ITIH5: variants seen among roughly 807,000 people sequenced by gnomAD.
ITIH5 encodes inter-alpha-trypsin inhibitor heavy chain 5.
ITIH5 carries 65 observed loss-of-function variants against 77.5 expected under a neutral mutation model. The ratio of observed to expected loss-of-function variants is 0.84; its 90% CI spans 0.69 to 1.03. The LOEUF (loss-of-function observed/expected upper bound fraction) is 1.03. Ranked by LOEUF, ITIH5 falls within the 50% of genes least tolerant of loss-of-function variation. The pLI, the probability that ITIH5 is intolerant of heterozygous loss-of-function variation, is 0.00. For missense variants in ITIH5, 1,208 were observed against 1,213.1 expected, an observed-to-expected ratio of 1.00 and a Z score of 0.06; for synonymous variants, 525 against 494.3, an observed-to-expected ratio of 1.06 and a Z score of -0.82.
chr10:7,597,062 A>AAAAAAAAAAAAAAAAG (rs1306137492), intron 7 of ITIH5, among the ~76,000 whole-genome samples: 4 of 150,534 alleles, frequency 2.7e-5, no homozygotes, highest in African/African-American at 7.3e-5. Context: ...AAAAAAAAAA[A>AAAAAAAAAAAAAAAAG]AATTCCACCA....
At chr10:7,645,176 T>C (rs1833992255) in intron 2 of ITIH5, among the ~76,000 whole-genome samples, 3 of 151,876 alleles carry the variant, frequency 2.0e-5, no homozygotes, top group Admixed American at 6.6e-5. Context: ...ACGAAAACGT[T>C]AGGGGGATGT....
intron 7 of ITIH5, among the ~76,000 whole-genome samples, chr10:7,609,776 C>T (rs977427267): frequency 6.6e-6 from 1 of 152,126 alleles, no homozygotes; most frequent in African/African-American, 2.4e-5. Flanking sequence ...ACCATTAAAG[C>T]ATGGAAAACA....
intron 5 of ITIH5, among the ~76,000 whole-genome samples, chr10:7,631,508 AAG>A (rs1833712007): frequency 1.0e-5 from 1 of 98,272 alleles, no homozygotes; most frequent in African/African-American, 6.4e-5. Flanking sequence ...TCTCCAAAAG[AAG>A]ATGAGATACC....
Position 7,569,748 on chromosome 10 carries a change from AG to A in ITIH5, c.2068del (p.Leu690Ter). On this transcript the variant is annotated frameshift_variant, in exon 12 of 14. Coordinates refer to ENST00000397146, the MANE Select transcript of ITIH5 (RefSeq NM_030569.7). LOFTEE classifies it high-confidence loss of function. ...GDPHFVVDFPLSRLTVCFNID... is the reference protein window; with the variant it reads ...GDPHFVVDFPXSRLTVCFNID... Reference sequence around the variant, plus strand: ...GTTGAAGCACACGGTGAGTCTGCTCAGGGGGAAATCCACAACAAAGTGGGGA... The same window carrying A: ...GTTGAAGCACACGGTGAGTCTGCTCAGGGGAAATCCACAACAAAGTGGGGA... 1 of 1,612,234 alleles carries A rather than the reference AG, an allele frequency of 6.2e-7. No homozygotes were observed. The highest frequency in any genetic ancestry group is 2.2e-5 in the East Asian group (1 of 44,788).
At chr10:7,655,001 A>G (rs1337971303) in intron 2 of ITIH5, among the ~76,000 whole-genome samples, 1 of 152,224 alleles carries the variant, frequency 6.6e-6, no homozygotes, top group Non-Finnish European at 1.5e-5. Flanking sequence ...CCAAACAAAG[A>G]TAGTCATGAT....
At chr10:7,628,990 C>T (rs1833649778) in intron 5 of ITIH5, among the ~76,000 whole-genome samples, 1 of 129,524 alleles carries the variant, frequency 7.7e-6, no homozygotes, top group Non-Finnish European at 1.7e-5. Context: ...CGTGTTGTGG[C>T]ATGCATCCAT....
chr10:7,569,694 C>G lies in ITIH5; in HGVS notation c.2123G>C (p.Arg708Thr), dbSNP rs771108775. 6.2e-7 allele frequency: 1 copy of G among 1,611,420 alleles called. No individual in the cohort carries two copies. Among genetic ancestry groups the G allele is most frequent in the South Asian group, 1.1e-5 (1 of 90,468 alleles). ...NIDGQPGDIL[R>T]LVSDHRDSGV... The stretch of plus-strand genomic sequence containing the variant: ...AGAGTCCCTGTGATCAGAGACCAGC[C>G]TGAGGATGTCCCCGGGCTGCCCATC... Residue 708 changes from arginine (R) to threonine (T), a missense_variant, in exon 12 of 14, where the codon AGG (arginine) becomes ACG (threonine). Transcript: ENST00000397146.
chr10:7,560,152 A>G lies in ITIH5; in HGVS notation c.*2931T>C, dbSNP rs1377754162. 1 of 216,386 alleles carries G rather than the reference A, an allele frequency of 4.6e-6. No homozygotes were observed. The highest frequency in any genetic ancestry group is 9.1e-6 in the Non-Finnish European group (1 of 109,536). 13.4% of individuals were successfully genotyped at this position (216,386 alleles called of 1,614,324 possible). A position where few individuals can be genotyped will look rare whatever the true frequency, so the allele number is the denominator to read the frequency against. ...GGTGTGAGCCACTGCACCTGGCCCC[A>G]TGTCTCTTCTTATAAGGGCCTTAAT... On this transcript the variant is annotated 3_prime_UTR_variant, in exon 14 of 14. Transcript: ENST00000397146.
Position 7,655,642 on chromosome 10 carries a change from A to G in ITIH5, c.124T>C (p.Leu42=), listed in dbSNP as rs901946885. Residue 42 remains leucine (L), a synonymous_variant, in exon 2 of 14, where the codon TTG becomes CTG. Coordinates refer to ENST00000397146, the MANE Select transcript of ITIH5 (RefSeq NM_030569.7). The part of the protein sequence containing the change: ...GLRVPRQVRL[L]QRLKTKPLMT... ...ATGAATATACCTACCAGCCTCTGCA[A>G]CAGTCTGACTTGCCTCGGGACCCTG... is the stretch of plus-strand genomic sequence containing the variant. The G allele has an allele frequency of 2.5e-6, 4 of 1,612,950 alleles. No individual in the cohort carries two copies. The highest frequency in any genetic ancestry group is 3.4e-6 in the Non-Finnish European group (4 of 1,178,940).
intron 12 of ITIH5, among the ~76,000 whole-genome samples, chr10:7,567,873 C>T (rs539261942): frequency 1.3e-5 from 2 of 151,952 alleles, no homozygotes; most frequent in Non-Finnish European, 2.9e-5. Context: ...AACTACATCT[C>T]AAAAAAACAA....
chr10:7,661,695 A>G (rs533561104), intron 1 of ITIH5, among the ~76,000 whole-genome samples: 12 of 152,282 alleles, frequency 7.9e-5, no homozygotes, highest in African/African-American at 2.9e-4. Flanking sequence ...ATTTCCAGAA[A>G]GATTGTTTTT....
At chr10:7,606,268 A>G (rs1359688924) in intron 7 of ITIH5, among the ~76,000 whole-genome samples, 1 of 152,216 alleles carries the variant, frequency 6.6e-6, no homozygotes, top group Non-Finnish European at 1.5e-5. Flanking sequence ...ACCCAAAGGA[A>G]TAGAAATCAT....
intron 7 of ITIH5, chr10:7,600,654 G>A (rs1832995874): frequency 2.2e-6 from 1 of 451,438 alleles, no homozygotes; most frequent in African/African-American, 2.0e-5. Flanking sequence ...ATTTGGCAAA[G>A]CCTAGGGGTA....
At chr10:7,620,553 C>G (rs1833458110) in intron 5 of ITIH5, 1 of 152,190 alleles carries the variant, frequency 6.6e-6, no homozygotes. Context: ...TTTTATCAAG[C>G]TGTACACATG....
At chr10:7,572,160 T>G in intron 11 of ITIH5, 1 of 1,168,236 alleles carries the variant, frequency 8.6e-7, no homozygotes, top group Non-Finnish European at 1.1e-6. Context: ...CCGCAGGCTG[T>G]GCGGACTCTA....
rs528912890 is a variant in ITIH5, at chr10:7,572,771, C to CT, written c.2032+370dup. 561 of 88,226 alleles carry CT rather than the reference C, an allele frequency of 6.4e-3. 40 individuals carry two copies. The highest frequency in any genetic ancestry group is 0.016 in the African/African-American group (374 of 23,636). The allele number at this position is 88,226 out of a possible 1,614,324, so 5.5% of individuals were successfully genotyped here. ...GCTTCAAGGAATTCTTGGTTTTACA[C>CT]TTTTTTTTTTTTTTTTTTTTTTTGA... On this transcript the variant is annotated intron_variant, in intron 11 of 13. Coordinates refer to ENST00000397146, the MANE Select transcript of ITIH5 (RefSeq NM_030569.7).
At chr10:7,582,950 CAAT>C (rs1832596770) in intron 8 of ITIH5, among the ~76,000 whole-genome samples, 3 of 151,878 alleles carry the variant, frequency 2.0e-5, no homozygotes, top group Admixed American at 6.6e-5. Flanking sequence ...TGATTATATT[CAAT>C]AATAATTTCA....
At chr10:7,642,128 A>T in intron 2 of ITIH5, 38 bp from the exon 3 acceptor site, 1 of 1,541,536 alleles carries the variant, frequency 6.5e-7, no homozygotes. Context: ...TCGGTGATGC[A>T]TGAAAGCATT....
chr10:7,575,926 T>C (rs1832403046), intron 10 of ITIH5, among the ~76,000 whole-genome samples: 1 of 152,242 alleles, frequency 6.6e-6, no homozygotes, highest in African/African-American at 2.4e-5. Context: ...TGCCACCTTT[T>C]TCTCATTTCT....
Sources: allele counts gnomAD v4.1 joint callset (sites outside exome capture counted in the v4.1 genomes callset), GRCh38; gene constraint gnomAD v4.1.1; transcripts MANE v1.5; gene names NCBI Gene and HGNC (gene_info 2026-07-23, HGNC 2026-07-21).